Variants in CAMKMT observed in about 807,000 individuals in gnomAD.
The protein encoded by CAMKMT is calmodulin-lysine N-methyltransferase.
A neutral mutation model predicts 48.0 loss-of-function variants in CAMKMT; 53 were observed. The observed-to-expected ratio is 1.10, with a 90% confidence interval of 0.89 to 1.39. The LOEUF (loss-of-function observed/expected upper bound fraction) is 1.39. Ranked by LOEUF, CAMKMT falls within the 40% of genes most tolerant of loss-of-function variation. The pLI is 0.00. For synonymous variants in CAMKMT, 165 were observed against 152.3 expected (o/e 1.08, Z -0.61); for missense variants, 428 against 402.7 (o/e 1.06, Z -0.54).
intron 7 of CAMKMT, among the ~76,000 whole-genome samples, chr2:44,726,076 A>G (rs189920536): frequency 2.0e-4 from 31 of 152,282 alleles, no homozygotes; most frequent in Non-Finnish European, 3.8e-4. Context: ...CTTATAAGTG[A>G]GAATACGTGG....
Position 44,371,592 on chromosome 2 carries a change from A to G in CAMKMT, c.139-1124A>G, listed in dbSNP as rs142379454. On this transcript the variant is annotated intron_variant, in intron 1 of 10. Transcript: ENST00000378494. ...CTATCATGGGAAATATAAAACATAT[A>G]TAAAGCTAGAGAGAACAATACAATA... Among the ~76,000 whole-genome samples, 240 of 152,342 alleles carry G rather than the reference A, an allele frequency of 1.6e-3. 2 individuals are homozygous for G. The highest frequency in any genetic ancestry group is 5.4e-3 in the African/African-American group (225 of 41,568).
chr2:44,626,370 C>G (rs1227925815), intron 3 of CAMKMT, among the ~76,000 whole-genome samples: 1 of 152,064 alleles, frequency 6.6e-6, no homozygotes, highest in Non-Finnish European at 1.5e-5. Context: ...GATTTTTATA[C>G]TGACCTTTAA....
intron 3 of CAMKMT, among the ~76,000 whole-genome samples, chr2:44,493,491 A>C (rs1400010691): frequency 1.3e-5 from 2 of 152,198 alleles, no homozygotes; most frequent in Non-Finnish European, 1.5e-5. Flanking sequence ...TTTGTTTTAT[A>C]AAGTGCTAAT....
At position 44,437,809 on chromosome 2, in the gene CAMKMT, G is replaced by A. The variant is rs986877622; in HGVS notation, c.376+47504G>A. Among the ~76,000 whole-genome samples, 4 of 147,270 alleles carry A rather than the reference G, an allele frequency of 2.7e-5. No homozygotes were observed. The East Asian group carries it at 6.1e-4, about 22-fold the overall frequency. The stretch of plus-strand genomic sequence containing the variant: ...TGCAGTGATTCAGCCACTGTACTTT[G>A]GCTCAGGCAACAGAGCAAGACTCTG... On this transcript the variant is annotated intron_variant, in intron 3 of 10. Transcript: ENST00000378494.
chr2:44,730,485 G>A (rs1679023752), intron 7 of CAMKMT, among the ~76,000 whole-genome samples: 1 of 152,190 alleles, frequency 6.6e-6, no homozygotes, highest in Admixed American at 6.5e-5. Flanking sequence ...TCATTGTACT[G>A]CTGCTCACAG....
chr2:44,593,009 C>A (rs755970746), intron 3 of CAMKMT, among the ~76,000 whole-genome samples: 1 of 152,146 alleles, frequency 6.6e-6, no homozygotes, highest in Non-Finnish European at 1.5e-5. Flanking sequence ...ATGTTAAAAT[C>A]TCTGACTATA....
At chr2:44,414,802 A>G (rs1178143169) in intron 3 of CAMKMT, among the ~76,000 whole-genome samples, 1 of 152,208 alleles carries the variant, frequency 6.6e-6, no homozygotes, top group Non-Finnish European at 1.5e-5. Flanking sequence ...TAAGTCTCCA[A>G]AGCTACACTT....
chr2:44,723,641 TAAATAA>T (rs2104325230), intron 7 of CAMKMT: 1 of 145,130 alleles, frequency 6.9e-6, no homozygotes, highest in South Asian at 2.1e-4. Context: ...AATAAATAAA[TAAATAA>T]ATAAATAAAA....
chr2:44,715,941 G>A (rs914029254), intron 7 of CAMKMT, among the ~76,000 whole-genome samples: 2 of 152,210 alleles, frequency 1.3e-5, no homozygotes, highest in East Asian at 1.9e-4. Context: ...GTGTCCATTC[G>A]CTTTTAGATT....
chr2:44,365,961 T>C (rs1678546373), intron 1 of CAMKMT, among the ~76,000 whole-genome samples: 1 of 152,356 alleles, frequency 6.6e-6, no homozygotes, highest in South Asian at 2.1e-4. Flanking sequence ...AAGAGGTGAA[T>C]TGTAATAACG....
At chr2:44,445,009 A>C (rs1358066409) in intron 3 of CAMKMT, among the ~76,000 whole-genome samples, 1 of 152,172 alleles carries the variant, frequency 6.6e-6, no homozygotes, top group Non-Finnish European at 1.5e-5. Context: ...AGGGATCTAG[A>C]GGCAGATGAT....
chr2:44,732,349 A>T (rs1378222481), intron 7 of CAMKMT, among the ~76,000 whole-genome samples: 1 of 152,254 alleles, frequency 6.6e-6, no homozygotes, highest in Admixed American at 6.5e-5. Context: ...TGAATTTTGA[A>T]TGGAAATAAG....
chr2:44,372,555 C>T (rs1679285469), intron 1 of CAMKMT, among the ~76,000 whole-genome samples, 161 bp from the exon 2 acceptor site: 1 of 151,332 alleles, frequency 6.6e-6, no homozygotes, highest in African/African-American at 2.4e-5. Flanking sequence ...ATATTTTGTT[C>T]ATCTTTTATA....
chr2:44,366,283 A>T (rs1251090236), intron 1 of CAMKMT, among the ~76,000 whole-genome samples: 2 of 152,256 alleles, frequency 1.3e-5, no homozygotes, highest in Admixed American at 6.5e-5. Flanking sequence ...CTTGGCAAGC[A>T]TACAACTTGA....
At chr2:44,703,465 T>G (rs1677364386) in intron 3 of CAMKMT, among the ~76,000 whole-genome samples, 1 of 152,156 alleles carries the variant, frequency 6.6e-6, no homozygotes, top group Non-Finnish European at 1.5e-5. Flanking sequence ...CACAGCAGTT[T>G]GATTTTATTT....
intron 3 of CAMKMT, among the ~76,000 whole-genome samples, chr2:44,439,836 C>A (rs937689776): frequency 6.6e-6 from 1 of 150,654 alleles, no homozygotes; most frequent in Non-Finnish European, 1.5e-5. Context: ...TAAGAAATGC[C>A]GATATGCTGG....
At chr2:44,420,304 T>G (rs1230153907) in intron 3 of CAMKMT, among the ~76,000 whole-genome samples, 1 of 152,178 alleles carries the variant, frequency 6.6e-6, no homozygotes, top group African/African-American at 2.4e-5. Context: ...ACTGTTGCTT[T>G]CATATTGTTT....
intron 3 of CAMKMT, among the ~76,000 whole-genome samples, chr2:44,502,015 A>C (rs1670031024): frequency 1.3e-5 from 2 of 152,118 alleles, no homozygotes; most frequent in African/African-American, 4.8e-5. Context: ...TGCCTCACAC[A>C]TGTAATGTCA....
intron 2 of CAMKMT, among the ~76,000 whole-genome samples, chr2:44,380,690 A>G (rs1341576536): frequency 2.0e-5 from 3 of 152,170 alleles, no homozygotes; most frequent in Non-Finnish European, 4.4e-5. Context: ...GAAAATAGTG[A>G]TTATTAACAT....
Sources: gnomAD v4.1 joint callset for allele counts (sites outside exome capture counted in the v4.1 genomes callset) on GRCh38, gnomAD v4.1.1 for gene constraint, MANE v1.5 for transcripts, NCBI Gene and HGNC (gene_info 2026-07-23, HGNC 2026-07-21) for gene names.